Variants in SPPL3 observed in about 807,000 individuals in gnomAD.
SPPL3 encodes the protein signal peptide peptidase-like 3.
Under a neutral mutation model 42.4 loss-of-function variants are expected in SPPL3, and 5 were observed. The ratio of observed to expected loss-of-function variants is 0.12; its 90% confidence interval spans 0.06 to 0.25. The LOEUF is 0.25. Ranked by LOEUF, SPPL3 falls within the 10% of genes least tolerant of loss-of-function variation. The probability of loss-of-function intolerance (pLI) is 1.00; values close to 1 mark genes in which losing one functional copy is unlikely to be tolerated. For missense variants in SPPL3, 235 were observed against 489.0 expected, an observed-to-expected ratio of 0.48 and a Z score of 4.90; for synonymous variants, 195 against 181.8, an observed-to-expected ratio of 1.07 and a Z score of -0.58.
At position 120,763,807 on chromosome 12, in the gene SPPL3, CCTTT is replaced by C. The variant is rs1241057822; in HGVS notation, c.*1188_*1191del. ...AAGGACAGGATTGTGTTGCTTTTTT[CCTTT>C]TTTTTTTTCTTAAAGGAGTGAGGGC... On this transcript the variant is annotated 3_prime_UTR_variant, in exon 11 of 11. Transcript: ENST00000353487. The C allele has an allele frequency of 5.2e-5, 3 of 58,120 alleles. No individual in the cohort carries two copies. The highest frequency in any genetic ancestry group is 8.1e-5 in the Non-Finnish European group (3 of 36,990). 3.6% of individuals were successfully genotyped at this position (58,120 alleles called of 1,614,324 possible).
intron 1 of SPPL3, among the ~76,000 whole-genome samples, chr12:120,880,172 C>T (rs900030427): frequency 4.6e-5 from 7 of 150,694 alleles, no homozygotes; most frequent in African/African-American, 1.7e-4. Context: ...GTGAAAAAAG[C>T]CAGATAACGA....
chr12:120,784,210 C>A, intron 4 of SPPL3: 1 of 310,618 alleles, frequency 3.2e-6, no homozygotes, highest in Middle Eastern at 9.8e-4. Context: ...AGCAATACTG[C>A]TCTGGTGTCA....
chr12:120,782,551 TAA>T (rs1418285198), intron 6 of SPPL3, 102 bp downstream of exon 6: 1 of 912,444 alleles, frequency 1.1e-6, no homozygotes, highest in African/African-American at 1.7e-5. Context: ...GAAAATGCTC[TAA>T]AAGTTTATTG....
At chr12:120,894,815 C>T (rs898582110) in intron 1 of SPPL3, among the ~76,000 whole-genome samples, 2 of 152,116 alleles carry the variant, frequency 1.3e-5, no homozygotes, top group African/African-American at 2.4e-5. Context: ...GGTGCGGTGG[C>T]GCATGCCTGT....
chr12:120,793,238 G>A (rs957948588), intron 2 of SPPL3, among the ~76,000 whole-genome samples: 11 of 152,080 alleles, frequency 7.2e-5, no homozygotes, highest in Admixed American at 3.9e-4. Context: ...GGCTGGAAGC[G>A]GTGGCTCACG....
chr12:120,885,880 G>A, intron 1 of SPPL3, among the ~76,000 whole-genome samples: 1 of 128,680 alleles, frequency 7.8e-6, no homozygotes, highest in Admixed American at 8.3e-5. Flanking sequence ...TTGAGACAGA[G>A]TTTTGCTCTT....
chr12:120,828,334 C>T (rs575978219), intron 1 of SPPL3, among the ~76,000 whole-genome samples: 9 of 151,756 alleles, frequency 5.9e-5, no homozygotes, highest in South Asian at 2.1e-4. Context: ...AATGTTTATA[C>T]AGGCAAATCT....
intron 3 of SPPL3, 27 bp downstream of exon 3, chr12:120,791,442 G>C (rs1432468471): frequency 3.3e-6 from 5 of 1,508,400 alleles, no homozygotes; most frequent in Non-Finnish European, 4.5e-6. Context: ...TATATGTACA[G>C]AAGTTAATTG....
intron 1 of SPPL3, among the ~76,000 whole-genome samples, chr12:120,875,624 C>CAAA (rs60385982): frequency 9.7e-6 from 1 of 103,616 alleles, no homozygotes; most frequent in Non-Finnish European, 2.3e-5. Flanking sequence ...GACTCCATTT[C>CAAA]AAAAAAAAAA....
intron 2 of SPPL3, among the ~76,000 whole-genome samples, chr12:120,802,401 G>GTATATATATATACATA (rs1566046035): frequency 5.5e-5 from 5 of 90,434 alleles, no homozygotes; most frequent in African/African-American, 4.2e-4. Context: ...ACATATATGT[G>GTATATATATATACATA]TGTGTGTGTG....
chr12:120,792,552 T>C (rs1195112406), intron 2 of SPPL3, among the ~76,000 whole-genome samples: 2 of 151,782 alleles, frequency 1.3e-5, no homozygotes, highest in Admixed American at 6.6e-5. Flanking sequence ...ATACAAAAAT[T>C]TGCTGGGCGT....
At chr12:120,855,809 G>A (rs573890137) in intron 1 of SPPL3, among the ~76,000 whole-genome samples, 48 of 152,270 alleles carry the variant, frequency 3.2e-4, no homozygotes, top group Non-Finnish European at 6.0e-4. Context: ...TTTCACTCAT[G>A]CAAATGAATG....
intron 2 of SPPL3, among the ~76,000 whole-genome samples, chr12:120,794,012 T>C (rs1870014047): frequency 6.6e-6 from 1 of 152,244 alleles, no homozygotes; most frequent in Non-Finnish European, 1.5e-5. Context: ...TCTTCAGCTA[T>C]ATTTGTGAAT....
At chr12:120,813,123 A>C (rs1207858493) in intron 1 of SPPL3, among the ~76,000 whole-genome samples, 2 of 151,868 alleles carry the variant, frequency 1.3e-5, no homozygotes, top group African/African-American at 4.8e-5. Flanking sequence ...AGGTCTTAAA[A>C]GATTATCTTT....
At chr12:120,807,630 C>T (rs1218714491) in intron 2 of SPPL3, among the ~76,000 whole-genome samples, 5 of 149,392 alleles carry the variant, frequency 3.3e-5, no homozygotes, top group Non-Finnish European at 7.4e-5. Flanking sequence ...GCAGAGATTG[C>T]GCCACTGCAC....
At chr12:120,771,908 C>T (rs569296782) in intron 6 of SPPL3, among the ~76,000 whole-genome samples, 1 of 152,322 alleles carries the variant, frequency 6.6e-6, no homozygotes, top group South Asian at 2.1e-4. Context: ...CACGCTCTAC[C>T]CAGAAGGTCC....
chr12:120,818,235 G>C (rs1870945133), intron 1 of SPPL3, among the ~76,000 whole-genome samples: 1 of 152,160 alleles, frequency 6.6e-6, no homozygotes, highest in Non-Finnish European at 1.5e-5. Flanking sequence ...ATGCATTTGA[G>C]ACACACCAAA....
chr12:120,780,907 T>A (rs1442722198), intron 6 of SPPL3, among the ~76,000 whole-genome samples: 1 of 151,764 alleles, frequency 6.6e-6, no homozygotes, highest in Admixed American at 6.6e-5. Flanking sequence ...CGAAACTCCC[T>A]CCCCCAAAAA....
chr12:120,897,624 G>A (rs1049504799), intron 1 of SPPL3, among the ~76,000 whole-genome samples: 10 of 152,276 alleles, frequency 6.6e-5, no homozygotes, highest in Non-Finnish European at 4.4e-5. Flanking sequence ...TTGGGAGGCT[G>A]AGGCAGGAGA....
Sources: gnomAD v4.1 joint callset for allele counts (sites outside exome capture counted in the v4.1 genomes callset) on GRCh38, gnomAD v4.1.1 for gene constraint, MANE v1.5 for transcripts, NCBI Gene and HGNC (gene_info 2026-07-23, HGNC 2026-07-21) for gene names.